CHSY3: variants seen among roughly 807,000 people sequenced by gnomAD.
The protein encoded by CHSY3 is N-acetylgalactosaminyl-proteoglycan 3-beta-glucuronosyltransferase 3.
Under a neutral mutation model 67.2 loss-of-function variants are expected in CHSY3, and 35 were observed. The observed-to-expected ratio is 0.52, with a 90% confidence interval of 0.40 to 0.69. CHSY3 has a LOEUF of 0.69. CHSY3 is among the 30% of genes least tolerant of loss of function. The pLI is 0.00. For synonymous variants in CHSY3, 474 were observed against 434.7 expected, an observed-to-expected ratio of 1.09 and a Z score of -1.12; for missense variants, 1,069 against 1,138.5, an observed-to-expected ratio of 0.94 and a Z score of 0.88.
intron 2 of CHSY3, among the ~76,000 whole-genome samples, chr5:130,106,288 A>G (rs1050714367): frequency 2.0e-5 from 3 of 151,656 alleles, no homozygotes; most frequent in Non-Finnish European, 3.0e-5. Flanking sequence ...TTGTTAATTC[A>G]TATAATTTTG....
chr5:130,182,055 G>A (rs1287737111), intron 2 of CHSY3, among the ~76,000 whole-genome samples: 1 of 151,846 alleles, frequency 6.6e-6, no homozygotes, highest in Non-Finnish European at 1.5e-5. Context: ...CTGACTCATA[G>A]GGAATATGTA....
intron 2 of CHSY3, among the ~76,000 whole-genome samples, chr5:130,126,816 G>C (rs1190592023): frequency 1.3e-5 from 2 of 152,144 alleles, no homozygotes; most frequent in African/African-American, 2.4e-5. Context: ...ATCCAAGAAT[G>C]AAAAGCATAA....
At chr5:130,107,263 C>A (rs1337861757) in intron 2 of CHSY3, among the ~76,000 whole-genome samples, 1 of 151,160 alleles carries the variant, frequency 6.6e-6, no homozygotes, top group Non-Finnish European at 1.5e-5. Context: ...GTTTTGCCAT[C>A]CAAGCATTAT....
chr5:130,077,664 A>G (rs1299062906), intron 2 of CHSY3, among the ~76,000 whole-genome samples: 4 of 152,078 alleles, frequency 2.6e-5, no homozygotes, highest in Non-Finnish European at 5.9e-5. Context: ...GTAAATGGAA[A>G]TTTGAACTTA....
chr5:130,115,979 C>A (rs1270064721), intron 2 of CHSY3, among the ~76,000 whole-genome samples: 1 of 152,138 alleles, frequency 6.6e-6, no homozygotes, highest in Non-Finnish European at 1.5e-5. Context: ...GTTCTCTCAC[C>A]ACACGGATCA....
At chr5:130,084,632 ATAAT>A (rs144728812) in intron 2 of CHSY3, among the ~76,000 whole-genome samples, 3,424 of 152,048 alleles carry the variant, frequency 0.023, 124 homozygotes, top group African/African-American at 0.076. Context: ...CATCAAAAGA[ATAAT>A]TAATCTTTTG....
intron 2 of CHSY3, among the ~76,000 whole-genome samples, chr5:130,084,524 C>T (rs929943725): frequency 6.6e-6 from 1 of 151,834 alleles, no homozygotes; most frequent in African/African-American, 2.4e-5. Flanking sequence ...CCCAAGATGT[C>T]AGGCTACAGC....
chr5:129,943,638 A>G (rs1473344855), intron 2 of CHSY3, among the ~76,000 whole-genome samples: 2 of 152,216 alleles, frequency 1.3e-5, no homozygotes, highest in South Asian at 2.1e-4. Flanking sequence ...TATTTCGTAC[A>G]TAAAATTTCA....
intron 2 of CHSY3, among the ~76,000 whole-genome samples, chr5:129,991,306 T>C (rs73785839): frequency 0.021 from 3,270 of 152,210 alleles, 108 homozygotes; most frequent in African/African-American, 0.075. Flanking sequence ...GTTGGACTTC[T>C]GGAGAAAAAT....
chr5:129,930,505 T>C (rs1249591794), intron 2 of CHSY3, among the ~76,000 whole-genome samples: 21 of 75,314 alleles, frequency 2.8e-4, no homozygotes, highest in Non-Finnish European at 4.8e-4. Flanking sequence ...GAGGCATCAC[T>C]GGCGGGGGGG....
intron 2 of CHSY3, among the ~76,000 whole-genome samples, chr5:129,929,917 C>G (rs1239872842): frequency 6.6e-6 from 1 of 152,140 alleles, no homozygotes; most frequent in African/African-American, 2.4e-5. Context: ...CAGATAATCT[C>G]TTTAGAAAGG....
intron 2 of CHSY3, among the ~76,000 whole-genome samples, chr5:130,037,035 C>T (rs913168526): frequency 1.3e-4 from 19 of 151,962 alleles, no homozygotes; most frequent in Non-Finnish European, 1.5e-4. Context: ...CCTGAATGGC[C>T]CAAAGATGCT....
chr5:129,978,993 T>C (rs1050200752), intron 2 of CHSY3, among the ~76,000 whole-genome samples: 9 of 151,118 alleles, frequency 6.0e-5, no homozygotes, highest in Non-Finnish European at 1.0e-4. Flanking sequence ...GGTCAGGAGA[T>C]TGAGACCATC....
intron 2 of CHSY3, among the ~76,000 whole-genome samples, chr5:130,177,188 A>AATAT (rs3065095): frequency 7.5e-4 from 110 of 147,420 alleles, no homozygotes; most frequent in Admixed American, 2.5e-3. Flanking sequence ...TATATATATG[A>AATAT]ATATATATAT....
intron 2 of CHSY3, among the ~76,000 whole-genome samples, chr5:130,085,400 G>A (rs1008468078): frequency 1.3e-5 from 2 of 151,866 alleles, no homozygotes; most frequent in Non-Finnish European, 2.9e-5. Context: ...GATGATTTTT[G>A]AACCAGAGCA....
chr5:130,181,543 A>G (rs1268051259), intron 2 of CHSY3, among the ~76,000 whole-genome samples: 2 of 152,184 alleles, frequency 1.3e-5, no homozygotes, highest in Non-Finnish European at 2.9e-5. Flanking sequence ...CTATGTGCAT[A>G]TATATGCATA....
At chr5:130,023,444 G>T (rs1764448775) in intron 2 of CHSY3, among the ~76,000 whole-genome samples, 1 of 151,944 alleles carries the variant, frequency 6.6e-6, no homozygotes, top group African/African-American at 2.4e-5. Context: ...TTAGTATTGG[G>T]AAGATAAATA....
intron 2 of CHSY3, among the ~76,000 whole-genome samples, chr5:130,058,601 G>A (rs1050291620): frequency 6.6e-6 from 1 of 152,096 alleles, no homozygotes; most frequent in Non-Finnish European, 1.5e-5. Flanking sequence ...ACTCCAGCCT[G>A]GACTAAAAGA....
At chr5:130,047,049 A>G in intron 2 of CHSY3, among the ~76,000 whole-genome samples, 1 of 143,462 alleles carries the variant, frequency 7.0e-6, no homozygotes, top group East Asian at 1.9e-4. Context: ...AATTTAAAGT[A>G]TGGTATTGTT....
Sources: allele counts gnomAD v4.1 joint callset (sites outside exome capture counted in the v4.1 genomes callset), GRCh38; gene constraint gnomAD v4.1.1; transcripts MANE v1.5; gene names NCBI Gene and HGNC (gene_info 2026-07-23, HGNC 2026-07-21).